The following DNAJC1 variants were observed in gnomAD, a reference collection of about 807,000 sequenced individuals.
The protein encoded by DNAJC1 is DnaJ heat shock protein family (Hsp40) member C1, also known as dnaJ homolog subfamily C member 1.
In DNAJC1, 58 loss-of-function variants were observed where a neutral mutation model predicts 76.6. The observed-to-expected ratio is 0.76, with a 90% confidence interval of 0.61 to 0.94. The LOEUF (loss-of-function observed/expected upper bound fraction) is 0.94, where lower values mean the gene tolerates loss of function less well. Ranked by LOEUF, DNAJC1 falls within the 40% of genes least tolerant of loss-of-function variation. The pLI is 0.00. For synonymous variants in DNAJC1, 258 were observed against 267.9 expected (o/e 0.96, Z 0.36); for missense variants, 689 against 677.3 (o/e 1.02, Z -0.19).
rs537844066 is a variant in DNAJC1, at chr10:21,991,508, G to C, written c.222+11705C>G. Among the ~76,000 whole-genome samples, 3 of 152,196 alleles carry C rather than the reference G, an allele frequency of 2.0e-5. No homozygotes were observed. The South Asian group carries it at 6.2e-4, about 32-fold the overall frequency. On this transcript the variant is annotated intron_variant, in intron 1 of 11. Coordinates refer to ENST00000376980, the MANE Select transcript of DNAJC1 (RefSeq NM_022365.4). ...TAGATAAGTAACTAGGAATATGATA[G>C]CTAGCACAATTGGAACAACCTAAAA...
chr10:21,979,707 T>A (rs1179575749), intron 1 of DNAJC1, among the ~76,000 whole-genome samples: 1 of 151,664 alleles, frequency 6.6e-6, no homozygotes, highest in African/African-American at 2.4e-5. Flanking sequence ...TTATTTATAA[T>A]TTTTCTTTTT....
chr10:21,859,390 G>C (rs1835888106), intron 8 of DNAJC1, among the ~76,000 whole-genome samples: 1 of 152,138 alleles, frequency 6.6e-6, no homozygotes, highest in Non-Finnish European at 1.5e-5. Context: ...TAAGATTCTT[G>C]TGAAGTTAAA....
intron 11 of DNAJC1, among the ~76,000 whole-genome samples, chr10:21,757,723 G>A (rs769951571): frequency 2.6e-5 from 4 of 152,196 alleles, no homozygotes; most frequent in Non-Finnish European, 2.9e-5. Context: ...CAGTGTGCTC[G>A]GAGCTCTGAG....
chr10:21,944,993 T>TG (rs1837482457), intron 1 of DNAJC1, among the ~76,000 whole-genome samples: 1 of 152,224 alleles, frequency 6.6e-6, no homozygotes, highest in Non-Finnish European at 1.5e-5. Flanking sequence ...CAAGTGGAAC[T>TG]GCCAGTTAAG....
chr10:21,817,568 T>C (rs534975284), intron 8 of DNAJC1, among the ~76,000 whole-genome samples: 7 of 152,052 alleles, frequency 4.6e-5, no homozygotes, highest in Non-Finnish European at 1.0e-4. Flanking sequence ...ATGATTTTCT[T>C]AAGACCTCCT....
intron 6 of DNAJC1, among the ~76,000 whole-genome samples, chr10:21,916,481 T>G (rs1344166524): frequency 6.6e-6 from 1 of 152,018 alleles, no homozygotes; most frequent in African/African-American, 2.4e-5. Flanking sequence ...AGAGCAAGAC[T>G]CCGTCTCAAA....
chr10:21,987,089 A>G (rs1433017539), intron 1 of DNAJC1, among the ~76,000 whole-genome samples: 2 of 152,230 alleles, frequency 1.3e-5, no homozygotes, highest in South Asian at 4.1e-4. Context: ...TTAACAATAC[A>G]TATCAATTCG....
At chr10:21,813,175 C>CT (rs1835005426) in intron 8 of DNAJC1, among the ~76,000 whole-genome samples, 7 of 28,326 alleles carry the variant, frequency 2.5e-4, no homozygotes, top group African/African-American at 8.6e-4. Context: ...TCTCTCTCTC[C>CT]CTCTCTCTCT....
At chr10:21,763,442 C>T (rs867457739) in intron 10 of DNAJC1, among the ~76,000 whole-genome samples, 10 of 152,062 alleles carry the variant, frequency 6.6e-5, no homozygotes, top group Admixed American at 2.0e-4. Flanking sequence ...TACTTCTAGA[C>T]GTGTACGCCC....
chr10:21,812,301 C>T (rs1359942160), intron 8 of DNAJC1, among the ~76,000 whole-genome samples: 1 of 152,070 alleles, frequency 6.6e-6, no homozygotes, highest in African/African-American at 2.4e-5. Flanking sequence ...TCGTGATCTG[C>T]CTGCCTCAGC....
At chr10:21,806,120 T>TA in intron 8 of DNAJC1, 21 bp from the exon 9 acceptor site, 1 of 1,573,204 alleles carries the variant, frequency 6.4e-7, no homozygotes, top group Non-Finnish European at 8.6e-7. Context: ...TTAAAGAAAA[T>TA]AAAAAAAGAT....
intron 1 of DNAJC1, among the ~76,000 whole-genome samples, chr10:21,940,079 G>C (rs1837381385): frequency 6.6e-6 from 1 of 151,970 alleles, no homozygotes; most frequent in Non-Finnish European, 1.5e-5. Context: ...AGGAGGATAA[G>C]GCAGGAAACT....
At chr10:21,896,694 AATT>A (rs1836549487) in intron 7 of DNAJC1, among the ~76,000 whole-genome samples, 1 of 152,084 alleles carries the variant, frequency 6.6e-6, no homozygotes, top group Admixed American at 6.5e-5. Flanking sequence ...ATTGGTATTT[AATT>A]AATATGTTTT....
intron 1 of DNAJC1, among the ~76,000 whole-genome samples, chr10:21,962,882 T>G (rs543758501): frequency 3.3e-5 from 5 of 152,280 alleles, no homozygotes; most frequent in African/African-American, 1.2e-4. Context: ...GGTTTCTAAT[T>G]TCTAATGTAA....
intron 2 of DNAJC1, 111 bp from the exon 3 acceptor site, chr10:21,928,663 A>G (rs1209267536): frequency 1.3e-6 from 1 of 782,930 alleles, no homozygotes; most frequent in Non-Finnish European, 2.1e-6. Flanking sequence ...GCCTATATAT[A>G]CAATAAACAG....
At chr10:21,939,270 T>C (rs576665228) in intron 1 of DNAJC1, among the ~76,000 whole-genome samples, 2 of 152,230 alleles carry the variant, frequency 1.3e-5, no homozygotes, top group Non-Finnish European at 2.9e-5. Flanking sequence ...GAAGATAATC[T>C]ACCTGGCTAT....
chr10:21,876,350 G>A (rs1836187736), intron 8 of DNAJC1, among the ~76,000 whole-genome samples: 1 of 151,998 alleles, frequency 6.6e-6, no homozygotes, highest in Admixed American at 6.6e-5. Context: ...AACCCCAAGA[G>A]ACCTGCCCAC....
chr10:21,931,498 C>T (rs530353400), intron 1 of DNAJC1, among the ~76,000 whole-genome samples: 2 of 152,238 alleles, frequency 1.3e-5, no homozygotes, highest in Middle Eastern at 3.4e-3. Flanking sequence ...ATTAGGTACT[C>T]GATGAATTCA....
chr10:21,860,372 C>A (rs1835901537), intron 8 of DNAJC1, among the ~76,000 whole-genome samples: 1 of 151,904 alleles, frequency 6.6e-6, no homozygotes, highest in East Asian at 1.9e-4. Context: ...AAACTCAGAT[C>A]ATAAAGATAA....
Sources: allele counts gnomAD v4.1 joint callset (sites outside exome capture counted in the v4.1 genomes callset), GRCh38; gene constraint gnomAD v4.1.1; transcripts MANE v1.5; gene names NCBI Gene and HGNC (gene_info 2026-07-23, HGNC 2026-07-21).